Variants in TBL1XR1 observed in about 807,000 individuals in gnomAD.
TBL1XR1 encodes the protein TBL1X/Y related 1.
In TBL1XR1, 5 loss-of-function variants were observed where a neutral mutation model predicts 66.9. The observed-to-expected ratio is 0.07, with a 90% CI of 0.04 to 0.16. TBL1XR1 has a LOEUF of 0.16. Ranked by LOEUF, TBL1XR1 falls within the 10% of genes least tolerant of loss-of-function variation. The pLI is 1.00. For synonymous variants in TBL1XR1, 210 were observed against 206.0 expected (o/e 1.02, Z -0.17); for missense variants, 238 against 623.2 (o/e 0.38, Z 6.58).
intron 2 of TBL1XR1, among the ~76,000 whole-genome samples, chr3:177,078,389 C>CA (rs1431954303): frequency 6.6e-6 from 1 of 150,560 alleles, no homozygotes; most frequent in African/African-American, 2.4e-5. Context: ...CCCTGGGCAA[C>CA]ATAGGGAGAC....
chr3:177,055,561 G>A (rs1217512937), intron 3 of TBL1XR1, among the ~76,000 whole-genome samples: 1 of 148,994 alleles, frequency 6.7e-6, no homozygotes, highest in Non-Finnish European at 1.5e-5. Context: ...GGGCGGGGGT[G>A]GGGGGGTGGG....
intron 2 of TBL1XR1, among the ~76,000 whole-genome samples, chr3:177,071,079 A>C (rs1027366072): frequency 1.4e-4 from 17 of 118,662 alleles, no homozygotes; most frequent in Non-Finnish European, 2.0e-4. Flanking sequence ...TGCCCAGGCT[A>C]GAGTGTGGTG....
chr3:177,038,196 C>A (rs1289170330), intron 11 of TBL1XR1, 24 bp from the exon 12 acceptor site: 1 of 1,610,610 alleles, frequency 6.2e-7, no homozygotes, highest in Non-Finnish European at 8.5e-7. Flanking sequence ...TAAATATTCA[C>A]ATTTTCATTG....
At chr3:177,125,986 A>G (rs967782745) in intron 1 of TBL1XR1, 5 of 152,238 alleles carry the variant, frequency 3.3e-5, no homozygotes, top group African/African-American at 1.2e-4. Context: ...AGTACACAAG[A>G]CATTTTGATA....
In TBL1XR1 at chr3:177,132,220, G is replaced by A. The variant is rs978157616; in HGVS notation, c.-121-33679C>T. Among the ~76,000 whole-genome samples, 6 of 152,140 alleles carry A rather than the reference G, an allele frequency of 3.9e-5. No individual in the cohort carries two copies. The South Asian group carries it at 1.2e-3, about 32-fold the overall frequency. ...TAGCAAAAATATGCCTATGTGGCCA[G>A]CAGGAATATAAGCCCCACTGAGATT... is the stretch of plus-strand genomic sequence containing the variant. On this transcript the variant is annotated intron_variant, in intron 1 of 15. Coordinates refer to ENST00000457928, the MANE Select transcript of TBL1XR1 (RefSeq NM_024665.7).
intron 2 of TBL1XR1, among the ~76,000 whole-genome samples, chr3:177,082,738 T>TATTATATATATATATA (rs1721561508): frequency 1.6e-5 from 1 of 63,234 alleles, no homozygotes; most frequent in Non-Finnish European, 3.0e-5. Context: ...AAGATAGAGA[T>TATTATATATATATATA]TATATATATA....
chr3:177,113,923 AAAT>A (rs1206767032), intron 1 of TBL1XR1, among the ~76,000 whole-genome samples: 1 of 152,154 alleles, frequency 6.6e-6, no homozygotes, highest in East Asian at 1.9e-4. Context: ...CCATTACTGA[AAAT>A]AATATGAAGG....
At chr3:177,067,178 C>T (rs1719277217) in intron 2 of TBL1XR1, among the ~76,000 whole-genome samples, 1 of 152,172 alleles carries the variant, frequency 6.6e-6, no homozygotes, top group African/African-American at 2.4e-5. Context: ...ACTTTAAAAA[C>T]AAAACATCCA....
At chr3:177,055,882 C>A (rs749536196) in intron 3 of TBL1XR1, among the ~76,000 whole-genome samples, 2 of 152,192 alleles carry the variant, frequency 1.3e-5, no homozygotes, top group Non-Finnish European at 2.9e-5. Context: ...ATACCATATG[C>A]TAGATACTGT....
At chr3:177,075,563 AACTC>A (rs1720599104) in intron 2 of TBL1XR1, among the ~76,000 whole-genome samples, 1 of 152,238 alleles carries the variant, frequency 6.6e-6, no homozygotes, top group African/African-American at 2.4e-5. Context: ...AGAAAGAACT[AACTC>A]AAGTATATTT....
At chr3:177,190,487 T>C (rs1021183433) in intron 1 of TBL1XR1, among the ~76,000 whole-genome samples, 2 of 152,192 alleles carry the variant, frequency 1.3e-5, no homozygotes, top group Admixed American at 1.3e-4. Context: ...AGCTAATTTT[T>C]TGTATTTTTA....
intron 9 of TBL1XR1, 132 bp downstream of exon 9, chr3:177,047,168 G>T: frequency 1.4e-6 from 1 of 712,052 alleles, no homozygotes; most frequent in African/African-American, 1.8e-5. Flanking sequence ...GACCTAAGGA[G>T]TATTTCTAGC....
chr3:177,042,773 T>G (rs1394378233), intron 10 of TBL1XR1, among the ~76,000 whole-genome samples: 1 of 152,170 alleles, frequency 6.6e-6, no homozygotes, highest in East Asian at 1.9e-4. Context: ...TCTTAAAATC[T>G]TGGAGCTAAA....
intron 1 of TBL1XR1, among the ~76,000 whole-genome samples, chr3:177,141,911 G>A (rs1729675543): frequency 1.3e-5 from 2 of 152,340 alleles, no homozygotes; most frequent in South Asian, 4.1e-4. Context: ...ATAGATGACT[G>A]TGAGGACGTT....
chr3:177,155,919 G>C (rs1037967182), intron 1 of TBL1XR1, among the ~76,000 whole-genome samples: 2 of 151,944 alleles, frequency 1.3e-5, no homozygotes, highest in African/African-American at 4.8e-5. Flanking sequence ...TGAGGCACAG[G>C]AATCACTTGA....
chr3:177,091,634 T>G lies in TBL1XR1; in HGVS notation c.-46+6832A>C, dbSNP rs1722856451. Among the ~76,000 whole-genome samples, 4 of 152,022 alleles carry G rather than the reference T, an allele frequency of 2.6e-5. No individual in the cohort carries two copies. In the South Asian group the frequency reaches 8.3e-4, roughly 32 times the overall value. ...CTTTTGGCCAAGGGAATGACATCAA[T>G]AAGAATACAAACTACAGTCAATAAA... On this transcript the variant is annotated intron_variant, in intron 2 of 15. Transcript: ENST00000457928.
chr3:177,174,841 T>C (rs933640259), intron 1 of TBL1XR1, among the ~76,000 whole-genome samples: 1 of 152,116 alleles, frequency 6.6e-6, no homozygotes, highest in Non-Finnish European at 1.5e-5. Context: ...TGAAACATAA[T>C]CCTGCCGTTC....
intron 1 of TBL1XR1, among the ~76,000 whole-genome samples, chr3:177,156,522 C>T (rs753141127): frequency 2.6e-5 from 2 of 76,304 alleles, no homozygotes; most frequent in African/African-American, 9.2e-5. Context: ...TATACATACA[C>T]ACACACACAC....
chr3:177,040,169 G>A (rs1476214009), intron 10 of TBL1XR1, among the ~76,000 whole-genome samples: 1 of 152,074 alleles, frequency 6.6e-6, no homozygotes, highest in Non-Finnish European at 1.5e-5. Context: ...TAAAAAATTA[G>A]CCAGGTGTAG....
Sources: gnomAD v4.1 joint callset for allele counts (sites outside exome capture counted in the v4.1 genomes callset) on GRCh38, gnomAD v4.1.1 for gene constraint, MANE v1.5 for transcripts, NCBI Gene and HGNC (gene_info 2026-07-23, HGNC 2026-07-21) for gene names.